MRAS: variants seen among roughly 807,000 people sequenced by gnomAD.
MRAS encodes muscle RAS oncogene homolog, also known as ras-related protein M-Ras.
MRAS carries 4 observed loss-of-function variants against 20.9 expected under a neutral mutation model. The observed-to-expected ratio is 0.19, with a 90% confidence interval of 0.09 to 0.44. MRAS has a LOEUF of 0.44. MRAS is among the 20% of genes least tolerant of loss of function. The probability of loss-of-function intolerance (pLI) is 0.99; values close to 1 mark genes in which losing one functional copy is unlikely to be tolerated. For missense variants in MRAS, 154 were observed against 277.5 expected (o/e 0.56, Z 3.16); for synonymous variants, 98 against 102.9 (o/e 0.95, Z 0.29).
At chr3:138,352,085 C>T (rs1405553309) in intron 1 of MRAS, among the ~76,000 whole-genome samples, 2 of 152,222 alleles carry the variant, frequency 1.3e-5, no homozygotes, top group African/African-American at 2.4e-5. Flanking sequence ...GTTGTCATTG[C>T]CCAGCCTGTG....
At chr3:138,394,101 G>GA (rs11299268) in intron 2 of MRAS, among the ~76,000 whole-genome samples, 18 of 144,636 alleles carry the variant, frequency 1.2e-4, no homozygotes, top group South Asian at 2.2e-4. Context: ...TTTTTTCTAA[G>GA]AAAAAAAAAA....
intron 2 of MRAS, among the ~76,000 whole-genome samples, chr3:138,390,082 G>A (rs1420785442): frequency 1.5e-5 from 2 of 133,848 alleles, no homozygotes; most frequent in Admixed American, 7.7e-5. Flanking sequence ...GGGAGGAGGA[G>A]AAGCAGAGAA....
At position 138,397,401 on chromosome 3, in the gene MRAS, G is replaced by C; in HGVS notation, c.271G>C (p.Val91Leu). Residue 91 changes from valine to leucine, a missense_variant, in exon 3 of 6, where the codon GTC (valine) becomes CTC (leucine). By Grantham distance (32) the Val-to-Leu change is conservative. Coordinates refer to ENST00000423968, the MANE Select transcript of MRAS (RefSeq NM_001085049.3). ...GCGCACGGGGGATGGCTTCCTCATC[G>C]TCTACTCCGTCACTGACAAGGCCAG... is the stretch of plus-strand genomic sequence containing the variant. ...YMRTGDGFLI[V>L]YSVTDKASFE... The C allele has an allele frequency of 6.2e-7, 1 of 1,614,120 alleles. No individual in the cohort carries two copies. The highest frequency in any genetic ancestry group is 8.5e-7 in the Non-Finnish European group (1 of 1,180,016).
intron 2 of MRAS, 152 bp downstream of exon 2, chr3:138,373,228 T>G (rs1461120129): frequency 3.9e-6 from 3 of 760,360 alleles, no homozygotes; most frequent in Non-Finnish European, 5.6e-6. Flanking sequence ...CAGGGTGAAT[T>G]CTCAACAGGG....
intron 1 of MRAS, among the ~76,000 whole-genome samples, chr3:138,353,901 G>A (rs2054277510): frequency 6.6e-6 from 1 of 152,224 alleles, no homozygotes; most frequent in African/African-American, 2.4e-5. Context: ...AAAGGAATCT[G>A]GCCATGGTCT....
chr3:138,361,979 C>T (rs2054457771), intron 1 of MRAS, among the ~76,000 whole-genome samples: 1 of 152,234 alleles, frequency 6.6e-6, no homozygotes, highest in Non-Finnish European at 1.5e-5. Flanking sequence ...GAGCTTGATG[C>T]AGCTCTGCCT....
chr3:138,384,397 G>T (rs2054967047), intron 2 of MRAS, among the ~76,000 whole-genome samples: 1 of 152,138 alleles, frequency 6.6e-6, no homozygotes. Flanking sequence ...GTGGTGAGAA[G>T]GGTAGATTCT....
chr3:138,357,257 T>A (rs115738271), intron 1 of MRAS, among the ~76,000 whole-genome samples: 4,545 of 152,306 alleles, frequency 0.03, 223 homozygotes, highest in African/African-American at 0.1. Context: ...CAGTGCCTGG[T>A]GTTCAGGCAG....
Position 138,397,444 on chromosome 3 carries a change from G to A in MRAS, c.314G>A (p.Arg105His), listed in dbSNP as rs2055262544. The stretch of plus-strand genomic sequence containing the variant: ...AAGGCCAGCTTTGAGCACGTGGACC[G>A]CTTCCACCAGCTTATCCTGCGCGTC... ...TDKASFEHVDRFHQLILRVKD... is the reference protein window; with the variant it reads ...TDKASFEHVDHFHQLILRVKD... The change falls in exon 3 of 6, where the codon CGC becomes CAC. Residue 105 changes from arginine to histidine, a missense_variant. Physicochemically the swap from Arg to His is conservative, Grantham distance 29 (BLOSUM62 0). Coordinates refer to ENST00000423968, the MANE Select transcript of MRAS (RefSeq NM_001085049.3). 2 of 1,614,112 alleles carry A rather than the reference G, an allele frequency of 1.2e-6. No individual in the cohort carries two copies. Among genetic ancestry groups the A allele is most frequent in the African/African-American group, 1.3e-5 (1 of 75,042 alleles).
chr3:138,349,220 A>G (rs1347382892), intron 1 of MRAS: 1 of 152,322 alleles, frequency 6.6e-6, no homozygotes, highest in African/African-American at 2.4e-5. Flanking sequence ...AGCCTGCTTC[A>G]TAAACAACCC....
chr3:138,395,016 A>G (rs2055206079), intron 2 of MRAS, among the ~76,000 whole-genome samples: 1 of 151,960 alleles, frequency 6.6e-6, no homozygotes, highest in African/African-American at 2.4e-5. Context: ...CCTCTAGAGC[A>G]TGCCTTTCTT....
intron 2 of MRAS, among the ~76,000 whole-genome samples, chr3:138,394,274 C>T (rs1030103063): frequency 4.6e-5 from 7 of 152,084 alleles, no homozygotes; most frequent in African/African-American, 9.7e-5. Flanking sequence ...CTGCTGGTCC[C>T]GGAGCCCCGC....
At chr3:138,361,978 G>A (rs2054457700) in intron 1 of MRAS, among the ~76,000 whole-genome samples, 1 of 152,214 alleles carries the variant, frequency 6.6e-6, no homozygotes, top group Non-Finnish European at 1.5e-5. Flanking sequence ...TGAGCTTGAT[G>A]CAGCTCTGCC....
At chr3:138,379,357 C>CTTTTTT (rs35120152) in intron 2 of MRAS, among the ~76,000 whole-genome samples, 10 of 77,616 alleles carry the variant, frequency 1.3e-4, no homozygotes, top group African/African-American at 3.0e-4. Context: ...GACAGAATGT[C>CTTTTTT]TTTTTTTTTT....
chr3:138,383,652 A>T (rs941303303), intron 2 of MRAS, among the ~76,000 whole-genome samples: 20 of 152,182 alleles, frequency 1.3e-4, no homozygotes, highest in Admixed American at 6.5e-5. Context: ...GAGTTGTGTG[A>T]ATTGAACCCT....
At chr3:138,370,103 A>G (rs918791844) in intron 1 of MRAS, among the ~76,000 whole-genome samples, 23 of 152,164 alleles carry the variant, frequency 1.5e-4, no homozygotes, top group Non-Finnish European at 4.4e-5. Flanking sequence ...GCAGGTCACA[A>G]GGTCAGGAGA....
At chr3:138,399,033 C>T (rs72974773) in intron 4 of MRAS, among the ~76,000 whole-genome samples, 7,993 of 152,306 alleles carry the variant, frequency 0.052, 403 homozygotes, top group African/African-American at 0.13. Flanking sequence ...CTCTACTGGC[C>T]GCTTATCAGG....
Position 138,354,076 on chromosome 3 carries a change from G to A in MRAS, c.-19+5309G>A, listed in dbSNP as rs79821708. On this transcript the variant is annotated intron_variant, in intron 1 of 5. Coordinates refer to ENST00000423968, the MANE Select transcript of MRAS (RefSeq NM_001085049.3). ...TGGGCAAAGGCCTCATGAGGAGCAG[G>A]GATGGAGCAGCCTGTGCACAAAGAT... 6.9e-3 allele frequency among the ~76,000 whole-genome samples: 1,058 copies of A among 152,324 alleles called. 8 individuals carry two copies. The highest frequency in any genetic ancestry group is 0.024 in the African/African-American group (1,013 of 41,564).
chr3:138,349,967 A>G (rs1028564417), intron 1 of MRAS: 2 of 152,234 alleles, frequency 1.3e-5, no homozygotes, highest in African/African-American at 4.8e-5. Flanking sequence ...CAGCTTGCCC[A>G]AGATCATATC....
Sources: gnomAD v4.1 joint callset for allele counts (sites outside exome capture counted in the v4.1 genomes callset) on GRCh38, gnomAD v4.1.1 for gene constraint, MANE v1.5 for transcripts, NCBI Gene and HGNC (gene_info 2026-07-23, HGNC 2026-07-21) for gene names.